Variants in ATIC observed in about 807,000 individuals in gnomAD.
ATIC encodes 5-aminoimidazole-4-carboxamide ribonucleotide formyltransferase/IMP cyclohydrolase, also known as bifunctional purine biosynthesis protein ATIC.
Under a neutral mutation model 72.5 loss-of-function variants are expected in ATIC, and 64 were observed. The observed-to-expected ratio is 0.88, with a 90% CI of 0.72 to 1.09. The LOEUF (loss-of-function observed/expected upper bound fraction) is 1.09. ATIC is among the 50% of genes least tolerant of loss of function. The probability of loss-of-function intolerance (pLI) is 0.00; values close to 1 mark genes in which losing one functional copy is unlikely to be tolerated. For missense variants in ATIC, 787 were observed against 732.4 expected, an observed-to-expected ratio of 1.07 and a Z score of -0.86; for synonymous variants, 281 against 267.1, an observed-to-expected ratio of 1.05 and a Z score of -0.51.
At chr2:215,323,895 T>A (rs2052795338) in intron 4 of ATIC, among the ~76,000 whole-genome samples, 1 of 152,202 alleles carries the variant, frequency 6.6e-6, no homozygotes, top group Non-Finnish European at 1.5e-5. Flanking sequence ...TGCTTCAGCC[T>A]GGGGTTACAG....
In ATIC at chr2:215,326,053, A is replaced by C. The variant is rs750495073; in HGVS notation, c.446A>C (p.Glu149Ala). 1.2e-6 allele frequency: 2 copies of C among 1,614,188 alleles called. No homozygotes were observed. Among genetic ancestry groups the C allele is most frequent in the South Asian group, 2.2e-5 (2 of 91,080 alleles). ...HARVTVVCEP[E>A]DYVVVSTEMQ... ...CGAGTGACAGTGGTGTGTGAACCAG[A>C]GGACTATGTGGTGGTGTCCACGGAG... Residue 149 changes from glutamate (E) to alanine (A), a missense_variant, in exon 6 of 16, where the codon GAG becomes GCG. Glu to Ala is a moderately radical substitution (Grantham distance 107). Coordinates refer to ENST00000236959, the MANE Select transcript of ATIC (RefSeq NM_004044.7).
chr2:215,343,128 G>A (rs2053037316), intron 12 of ATIC, among the ~76,000 whole-genome samples: 1 of 151,252 alleles, frequency 6.6e-6, no homozygotes, highest in South Asian at 2.1e-4. Flanking sequence ...CAATGTCTCT[G>A]CATCCTTACT....
At chr2:215,353,429 C>T (rs1326685719), downstream of ATIC, among the ~76,000 whole-genome samples, 1 of 152,156 alleles carries the variant, frequency 6.6e-6, no homozygotes, top group African/African-American at 2.4e-5. Flanking sequence ...ACCAGACTTT[C>T]TAAGGTTTGT....
chr2:215,346,725 A>C (rs1479455410), intron 13 of ATIC, 34 bp from the exon 14 acceptor site: 1 of 1,609,692 alleles, frequency 6.2e-7, no homozygotes, highest in African/African-American at 1.3e-5. Context: ...GTGTCTTTGG[A>C]AGAGGTGTTC....
chr2:215,351,305 C>G (rs1174895501), downstream of ATIC, among the ~76,000 whole-genome samples: 1 of 152,208 alleles, frequency 6.6e-6, no homozygotes, highest in East Asian at 1.9e-4. Flanking sequence ...TCTTGAATTC[C>G]TGACCCACAG....
the ATIC span, among the ~76,000 whole-genome samples, chr2:215,367,220 C>T: frequency 1.3e-5 from 2 of 152,104 alleles, no homozygotes; most frequent in African/African-American, 4.8e-5. Context: ...AATCTCAAAG[C>T]ATAATAGATA....
intron 12 of ATIC, among the ~76,000 whole-genome samples, chr2:215,342,069 C>T (rs2053025438): frequency 6.6e-6 from 1 of 152,132 alleles, no homozygotes; most frequent in Non-Finnish European, 1.5e-5. Context: ...GGGGAAACTG[C>T]CCCCATGATC....
chr2:215,362,793 AG>A, the ATIC span: 7 of 152,750 alleles, frequency 4.6e-5, no homozygotes, highest in Admixed American at 2.0e-4. Context: ...TTAAGCTGGC[AG>A]GGGGTAAAGC....
the ATIC span, among the ~76,000 whole-genome samples, chr2:215,365,966 AT>A: frequency 0.013 from 1,183 of 90,316 alleles, 15 homozygotes; most frequent in African/African-American, 0.049. Context: ...CCACAGTGCT[AT>A]TTTTTTTTTT....
the ATIC span, among the ~76,000 whole-genome samples, chr2:215,355,445 A>T: frequency 7.9e-5 from 12 of 152,256 alleles, no homozygotes; most frequent in Admixed American, 7.8e-4. Context: ...GGGCACAGGG[A>T]GAAAACAGTC....
intron 2 of ATIC, among the ~76,000 whole-genome samples, chr2:215,316,547 G>A (rs971256085): frequency 6.6e-6 from 1 of 152,130 alleles, no homozygotes; most frequent in Non-Finnish European, 1.5e-5. Context: ...TGTACTCCAG[G>A]CTGGGCAACA....
At chr2:215,349,406 C>A in intron 15 of ATIC, 130 bp from the exon 16 acceptor site, 1 of 1,576,138 alleles carries the variant, frequency 6.3e-7, no homozygotes, top group Non-Finnish European at 8.7e-7. Flanking sequence ...ATGGAGAACC[C>A]AAATCCTGTT....
the ATIC span, among the ~76,000 whole-genome samples, chr2:215,358,327 G>A: frequency 6.6e-6 from 1 of 151,648 alleles, no homozygotes; most frequent in Non-Finnish European, 1.5e-5. Context: ...TTCTTGCATT[G>A]TTGATTTCTT....
At chr2:215,328,718 CTTT>C (rs112676407) in intron 7 of ATIC, among the ~76,000 whole-genome samples, 4 of 137,638 alleles carry the variant, frequency 2.9e-5, no homozygotes, top group Non-Finnish European at 6.3e-5. Context: ...TGGCAGCTTC[CTTT>C]TTTTTTTTTT....
At chr2:215,351,128 C>A (rs530498988), downstream of ATIC, among the ~76,000 whole-genome samples, 9 of 152,294 alleles carry the variant, frequency 5.9e-5, no homozygotes, top group Middle Eastern at 3.4e-3. Flanking sequence ...GCCAAGACCA[C>A]GTTGTAAGAG....
At chr2:215,312,296 G>A (rs966731641) in intron 1 of ATIC, 135 bp downstream of exon 1, 1 of 1,444,862 alleles carries the variant, frequency 6.9e-7, no homozygotes, top group Non-Finnish European at 9.2e-7. Context: ...CCCGCTCCCC[G>A]GCCGGGCCGC....
intron 2 of ATIC, 50 bp downstream of exon 2, chr2:215,312,674 G>A: frequency 6.2e-7 from 1 of 1,613,734 alleles, no homozygotes; most frequent in Non-Finnish European, 8.5e-7. Context: ...CATTAACCAG[G>A]AAGTATTGTA....
At chr2:215,359,513 T>C in the ATIC span, among the ~76,000 whole-genome samples, 1 of 152,196 alleles carries the variant, frequency 6.6e-6, no homozygotes, top group South Asian at 2.1e-4. Flanking sequence ...CTTTCTGTGA[T>C]TTTTAAAAAA....
chr2:215,312,663 A>G, intron 2 of ATIC, 39 bp downstream of exon 2: 2 of 1,614,002 alleles, frequency 1.2e-6, no homozygotes, highest in Non-Finnish European at 1.7e-6. Flanking sequence ...GAGTGTGATC[A>G]CATTAACCAG....
Sources: gnomAD v4.1 joint callset for allele counts (sites outside exome capture counted in the v4.1 genomes callset) on GRCh38, gnomAD v4.1.1 for gene constraint, MANE v1.5 for transcripts, NCBI Gene and HGNC (gene_info 2026-07-23, HGNC 2026-07-21) for gene names.